The following KATNIP variants were observed in gnomAD, a reference collection of about 807,000 sequenced individuals.
The protein encoded by KATNIP is katanin-interacting protein.
Under a neutral mutation model 174.0 loss-of-function variants are expected in KATNIP, and 126 were observed. The observed-to-expected ratio is 0.72, with a 90% CI of 0.63 to 0.84. The LOEUF is 0.84. KATNIP is among the 40% of genes least tolerant of loss of function. The pLI is 0.00. For missense variants in KATNIP, 1,958 were observed against 2,109.7 expected (o/e 0.93, Z 1.41); for synonymous variants, 810 against 835.7 (o/e 0.97, Z 0.53).
At chr16:27,606,817 C>T (rs958459132) in intron 2 of KATNIP, among the ~76,000 whole-genome samples, 7 of 151,966 alleles carry the variant, frequency 4.6e-5, no homozygotes, top group Non-Finnish European at 1.0e-4. Context: ...CCTCCCACCT[C>T]AGCCTCCGGA....
rs773129446 is a variant in KATNIP, at chr16:27,761,461, G to T, written c.3680G>T (p.Gly1227Val). 6.2e-7 allele frequency: 1 copy of T among 1,614,024 alleles called. No individual in the cohort carries two copies. Among genetic ancestry groups the T allele is most frequent in the Non-Finnish European group, 8.5e-7 (1 of 1,180,008 alleles). ...TASWGDLHYLGLTGLEVVGKE... is the reference protein window; with the variant it reads ...TASWGDLHYLVLTGLEVVGKE... The stretch of plus-strand genomic sequence containing the variant: ...TCCTGGGGAGACTTGCACTACCTGG[G>T]GCTCACTGGCCTGGAAGTGGTGGGC... The change falls in exon 19 of 28, where the codon GGG becomes GTG. Residue 1227 changes from glycine to valine, a missense_variant. By Grantham distance (109) the Gly-to-Val change is moderately radical (BLOSUM62 -3). Transcript: ENST00000261588.
At chr16:27,621,460 C>T (rs556185957) in intron 3 of KATNIP, among the ~76,000 whole-genome samples, 22 of 152,200 alleles carry the variant, frequency 1.4e-4, no homozygotes, top group African/African-American at 5.1e-4. Context: ...CAGGAAAAGC[C>T]CCTACGTACA....
Position 27,682,250 on chromosome 16 carries a change from T to A in KATNIP, c.940+720T>A, listed in dbSNP as rs1236134223. ...TGAGAGGTTACATTTATTCACTACT[T>A]AGGATGACCCAGCCACTATCGTAAG... On this transcript the variant is annotated intron_variant, in intron 8 of 27. Transcript: ENST00000261588. Among the ~76,000 whole-genome samples the A allele has an allele frequency of 3.3e-5, 5 of 152,300 alleles. No homozygotes were observed. The East Asian group carries it at 9.6e-4, about 29-fold the overall frequency.
intron 16 of KATNIP, among the ~76,000 whole-genome samples, chr16:27,751,481 C>T (rs566489986): frequency 7.6e-4 from 115 of 152,220 alleles, no homozygotes; most frequent in Non-Finnish European, 1.4e-3. Flanking sequence ...TGTCACTTGC[C>T]TGATGACATA....
At chr16:27,561,201 T>C (rs532909888) in intron 1 of KATNIP, among the ~76,000 whole-genome samples, 43 of 150,652 alleles carry the variant, frequency 2.9e-4, no homozygotes, top group African/African-American at 1.0e-3. Flanking sequence ...TTTTTTTTTT[T>C]CAGTAGGGAC....
rs1458004749 is a variant in KATNIP at position 27,701,648 on chromosome 16, C to T, written c.1239C>T (p.Ala413=). The change falls in exon 11 of 28, where the codon GCC becomes GCT. Residue 413 remains alanine, a synonymous_variant. Coordinates refer to ENST00000261588, the MANE Select transcript of KATNIP (RefSeq NM_015202.5). ...TQEPAGAAGG[A]RAINQAMDRI... ...AGCCGGCCGGGGCAGCAGGAGGAGC[C>T]AGGGCCATCAACCAGGCCATGGACA... is the stretch of plus-strand genomic sequence containing the variant. The T allele has an allele frequency of 1.9e-6, 3 of 1,608,462 alleles. No individual in the cohort carries two copies. Among genetic ancestry groups the T allele is most frequent in the Non-Finnish European group, 2.5e-6 (3 of 1,177,910 alleles).
At chr16:27,729,382 T>C (rs965131971) in intron 14 of KATNIP, among the ~76,000 whole-genome samples, 1 of 152,296 alleles carries the variant, frequency 6.6e-6, no homozygotes, top group Admixed American at 6.5e-5. Flanking sequence ...CAGACCTGCA[T>C]TGCTACCTGG....
At position 27,703,978 on chromosome 16, in the gene KATNIP, G is replaced by A; in HGVS notation, c.1369G>A (p.Glu457Lys). The A allele has an allele frequency of 6.2e-7, 1 of 1,614,118 alleles. No homozygotes were observed. The highest frequency in any genetic ancestry group is 8.5e-7 in the Non-Finnish European group (1 of 1,179,966). Residue 457 changes from glutamate to lysine, a missense_variant, in exon 12 of 28, where the codon GAG (glutamate) becomes AAG (lysine). Around this residue, in one of 3 missense-constraint regions of KATNIP, gnomAD observed 1,557 missense variants for 1,617.8 expected, o/e 0.96. Transcript: ENST00000261588. ...CGGCAGGGTGGTTTCACCAACCAAG[G>A]AGCAAGTATCAGACACAGAGGTGAG... The part of the protein sequence containing the change: ...HLGRVVSPTK[E>K]QVSDTEDKQR...
intron 2 of KATNIP, among the ~76,000 whole-genome samples, chr16:27,605,373 T>C (rs1208211367): frequency 1.3e-5 from 2 of 152,216 alleles, no homozygotes; most frequent in African/African-American, 4.8e-5. Context: ...AAAATGATGT[T>C]TTAGATAGCT....
At chr16:27,647,429 A>G (rs183714595) in intron 5 of KATNIP, among the ~76,000 whole-genome samples, 16 of 150,914 alleles carry the variant, frequency 1.1e-4, no homozygotes, top group Admixed American at 1.1e-3. Flanking sequence ...GCAGCCTCGA[A>G]CTCCTGGGCT....
intron 21 of KATNIP, 99 bp downstream of exon 21, chr16:27,770,117 G>A (rs932854203): frequency 7.4e-6 from 10 of 1,352,558 alleles, no homozygotes; most frequent in Non-Finnish European, 1.0e-5. Context: ...GTTTTGAAAC[G>A]ATGATCAAAC....
intron 5 of KATNIP, among the ~76,000 whole-genome samples, chr16:27,640,807 G>A (rs528515386): frequency 6.6e-6 from 1 of 151,884 alleles, no homozygotes; most frequent in East Asian, 1.9e-4. Flanking sequence ...TCTGCGAGGT[G>A]AGCAGTAGTG....
At chr16:27,625,910 C>T (rs1223757230) in intron 3 of KATNIP, among the ~76,000 whole-genome samples, 3 of 151,458 alleles carry the variant, frequency 2.0e-5, no homozygotes, top group Non-Finnish European at 4.4e-5. Context: ...AGTGCAGTGG[C>T]ATGATCATGT....
intron 3 of KATNIP, among the ~76,000 whole-genome samples, chr16:27,626,704 AAC>A (rs2076343731): frequency 1.3e-5 from 2 of 152,164 alleles, no homozygotes; most frequent in Non-Finnish European, 2.9e-5. Context: ...CTGTAATCCC[AAC>A]ACTCTGGGAG....
intron 17 of KATNIP, among the ~76,000 whole-genome samples, chr16:27,752,130 C>T (rs1382734923): frequency 2.0e-5 from 3 of 150,992 alleles, no homozygotes; most frequent in African/African-American, 7.3e-5. Context: ...TTTTTTTAAC[C>T]GAAGTAAAGA....
At chr16:27,582,557 G>T (rs2090739246) in intron 2 of KATNIP, among the ~76,000 whole-genome samples, 1 of 152,172 alleles carries the variant, frequency 6.6e-6, no homozygotes, top group Admixed American at 6.5e-5. Context: ...GACAACTTCT[G>T]ATTTATGCAG....
At chr16:27,690,807 G>A (rs545891137) in intron 8 of KATNIP, among the ~76,000 whole-genome samples, 1 of 152,302 alleles carries the variant, frequency 6.6e-6, no homozygotes, top group Non-Finnish European at 1.5e-5. Context: ...GGAAACTGGA[G>A]CATTTCAGCC....
chr16:27,623,975 G>A (rs2076264474), intron 3 of KATNIP, among the ~76,000 whole-genome samples: 1 of 151,912 alleles, frequency 6.6e-6, no homozygotes, highest in Non-Finnish European at 1.5e-5. Context: ...ACCTCCCTGG[G>A]GTCTGTTTCC....
At chr16:27,754,411 G>A (rs1386142604) in intron 18 of KATNIP, 160 bp downstream of exon 18, 1 of 631,934 alleles carries the variant, frequency 1.6e-6, no homozygotes, top group South Asian at 1.9e-5. Flanking sequence ...AAACCAGCCT[G>A]CGCTCAGCTC....
Sources: gnomAD v4.1 joint callset for allele counts (sites outside exome capture counted in the v4.1 genomes callset) on GRCh38, gnomAD v4.1.1 for gene constraint, gnomAD v4.1.1 regional missense constraint, MANE v1.5 for transcripts, NCBI Gene and HGNC (gene_info 2026-07-23, HGNC 2026-07-21) for gene names.